Variants in STAB2 observed in about 807,000 individuals in gnomAD.
STAB2 encodes stabilin-2.
Under a neutral mutation model 338.1 loss-of-function variants are expected in STAB2, and 288 were observed. That is an observed-to-expected ratio of 0.85 (90% confidence interval 0.77 to 0.94). The LOEUF is 0.94. Among genes scored for constraint, STAB2 ranks in the 40% least tolerant of loss-of-function variants. STAB2 has a pLI of 0.00. For missense variants in STAB2, 3,141 were observed against 3,210.1 expected, an observed-to-expected ratio of 0.98 and a Z score of 0.52; for synonymous variants, 1,202 against 1,193.3, an observed-to-expected ratio of 1.01 and a Z score of -0.15.
chr12:103,604,778 T>C (rs148286484), intron 3 of STAB2, among the ~76,000 whole-genome samples: 297 of 151,830 alleles, frequency 2.0e-3, no homozygotes, highest in Non-Finnish European at 3.6e-3. Flanking sequence ...AGTTCATCCA[T>C]TTCATTCACC....
chr12:103,766,456 C>A lies in STAB2; in HGVS notation c.*120C>A. 8.6e-7 allele frequency: 1 copy of A among 1,161,816 alleles called. No homozygotes were observed. The highest frequency in any genetic ancestry group is 1.2e-6 in the Non-Finnish European group (1 of 825,550). 72.0% of individuals were successfully genotyped at this position (1,161,816 alleles called of 1,614,324 possible). A position where few individuals can be genotyped will look rare whatever the true frequency, so the allele number is the denominator to read the frequency against. On this transcript the variant is annotated 3_prime_UTR_variant, in exon 69 of 69. Transcript: ENST00000388887. ...CTTTAAGCACTCAGAAGCCATACCT[C>A]ATCTCTCTGGCTGATCTGGGGGTTG...
At chr12:103,603,988 T>C (rs1460142918) in intron 3 of STAB2, among the ~76,000 whole-genome samples, 3 of 152,152 alleles carry the variant, frequency 2.0e-5, no homozygotes, top group African/African-American at 7.2e-5. Context: ...CTTCTAACAG[T>C]TTTTTGAAAT....
chr12:103,598,739 T>C (rs1035722526), intron 3 of STAB2, among the ~76,000 whole-genome samples: 30 of 152,180 alleles, frequency 2.0e-4, no homozygotes, highest in African/African-American at 6.3e-4. Context: ...TACCCCCACA[T>C]TCCTGCTACC....
At position 103,735,580 on chromosome 12, in the gene STAB2, C is replaced by A; in HGVS notation, c.5550C>A (p.Ile1850=). ...TGAAATGTGGAGCTGGCAGGGACATCGTGAGTATCATCATGAAGGGTGGGC... is the reference window on the plus strand; with the variant it reads ...TGAAATGTGGAGCTGGCAGGGACATAGTGAGTATCATCATGAAGGGTGGGC... ...LSVKCGAGRD[I]GDLFLNGQTC... The change falls in exon 52 of 69, where the codon ATC becomes ATA. Residue 1850 remains isoleucine, a splice_region_variant and synonymous_variant. Coordinates refer to ENST00000388887, the MANE Select transcript of STAB2 (RefSeq NM_017564.10). The A allele has an allele frequency of 2.4e-6, 2 of 820,478 alleles. No individual in the cohort carries two copies. Among genetic ancestry groups the A allele is most frequent in the African/African-American group, 1.8e-5 (1 of 55,204 alleles). 50.8% of individuals were successfully genotyped at this position (820,478 alleles called of 1,614,324 possible).
intron 15 of STAB2, among the ~76,000 whole-genome samples, chr12:103,656,191 G>C (rs181965005): frequency 7.2e-5 from 11 of 152,296 alleles, no homozygotes; most frequent in Middle Eastern, 3.4e-3. Context: ...ACTTGAAGAG[G>C]ACAGCCTATT....
chr12:103,615,830 A>G (rs1395258008), intron 3 of STAB2, among the ~76,000 whole-genome samples: 2 of 152,216 alleles, frequency 1.3e-5, no homozygotes, highest in African/African-American at 2.4e-5. Context: ...TTATAAAGCC[A>G]TCAGATCTCG....
At chr12:103,641,633 C>A (rs1400852806) in intron 9 of STAB2, among the ~76,000 whole-genome samples, 1 of 152,114 alleles carries the variant, frequency 6.6e-6, no homozygotes, top group African/African-American at 2.4e-5. Flanking sequence ...CATGTTTTAC[C>A]ACCCTCTGAG....
intron 3 of STAB2, among the ~76,000 whole-genome samples, chr12:103,604,670 C>G (rs959916250): frequency 6.6e-6 from 1 of 151,860 alleles, no homozygotes; most frequent in Admixed American, 6.6e-5. Context: ...CATTTATTAT[C>G]CCTTTAATGT....
intron 9 of STAB2, among the ~76,000 whole-genome samples, chr12:103,643,514 C>G (rs1363711878): frequency 6.6e-6 from 1 of 152,102 alleles, no homozygotes; most frequent in African/African-American, 2.4e-5. Context: ...CCAGTGCTCT[C>G]TGATGCCCCT....
Position 103,641,018 on chromosome 12 carries a change from G to A in STAB2, c.1040+762G>A, listed in dbSNP as rs138569685. On this transcript the variant is annotated intron_variant, in intron 9 of 68. Transcript: ENST00000388887. Reference sequence around the variant, plus strand: ...AAGCTAGAACCCAAGTCTTTGACTCGCAGACTGAGGTTTCTATCTCTGTTC... The same window carrying A: ...AAGCTAGAACCCAAGTCTTTGACTCACAGACTGAGGTTTCTATCTCTGTTC... Among the ~76,000 whole-genome samples the A allele has an allele frequency of 4.8e-3, 728 of 152,300 alleles. 9 individuals carry two copies. Among genetic ancestry groups the A allele is most frequent in the African/African-American group, 0.016 (670 of 41,556 alleles).
chr12:103,587,335 C>G lies in STAB2; in HGVS notation c.-142C>G. On this transcript the variant is annotated 5_prime_UTR_variant, in exon 1 of 69. Transcript: ENST00000388887. ...GGCAGGTCTCACCTATCTCCTGGTT[C>G]GATCTAGGAAAAAGGAAAGGAAGGG... 1.4e-6 allele frequency: 1 copy of G among 714,774 alleles called. No homozygotes were observed. The highest frequency in any genetic ancestry group is 2.7e-5 in the East Asian group (1 of 36,688). The allele number at this position is 714,774 out of a possible 1,614,324, so 44.3% of individuals were successfully genotyped here. A position where few individuals can be genotyped will look rare whatever the true frequency, so the allele number is the denominator to read the frequency against.
intron 37 of STAB2, among the ~76,000 whole-genome samples, chr12:103,706,430 C>G (rs573465050): frequency 6.6e-6 from 1 of 152,184 alleles, no homozygotes; most frequent in Non-Finnish European, 1.5e-5. Context: ...TGAAGGGGCC[C>G]AGATCTGGGT....
At chr12:103,653,340 G>T (rs1266043026) in intron 12 of STAB2, among the ~76,000 whole-genome samples, 1 of 152,156 alleles carries the variant, frequency 6.6e-6, no homozygotes, top group Non-Finnish European at 1.5e-5. Flanking sequence ...AGCAAAGTAT[G>T]GGGATAAATC....
At chr12:103,619,750 C>G (rs1190478161) in intron 3 of STAB2, among the ~76,000 whole-genome samples, 1 of 144,800 alleles carries the variant, frequency 6.9e-6, no homozygotes, top group Non-Finnish European at 1.5e-5. Context: ...ATCAGCAACG[C>G]CCCCCGCCCC....
chr12:103,654,857 A>G, intron 13 of STAB2, 159 bp downstream of exon 13: 1 of 907,844 alleles, frequency 1.1e-6, no homozygotes, highest in South Asian at 2.3e-5. Context: ...TCCAATAGAA[A>G]CCTGGGAATC....
At chr12:103,660,475 T>TAA in intron 16 of STAB2, 91 bp downstream of exon 16, 1 of 1,483,230 alleles carries the variant, frequency 6.7e-7, no homozygotes, top group Non-Finnish European at 9.4e-7. Flanking sequence ...CTAGAAAATG[T>TAA]CCTTTATCTG....
intron 2 of STAB2, 68 bp from the exon 3 acceptor site, chr12:103,594,327 C>A (rs2138538461): frequency 8.4e-7 from 1 of 1,187,576 alleles, no homozygotes; most frequent in South Asian, 1.3e-5. Flanking sequence ...AAAGCTAAGG[C>A]AATTCTACCA....
intron 5 of STAB2, among the ~76,000 whole-genome samples, chr12:103,627,743 G>A (rs894180692): frequency 2.0e-5 from 3 of 152,200 alleles, no homozygotes; most frequent in African/African-American, 7.2e-5. Context: ...CAGCCAGGAG[G>A]GCAATCTTAG....
In STAB2 at chr12:103,742,444, G is replaced by C. The variant is rs1391137914; in HGVS notation, c.5921G>C (p.Gly1974Ala). The C allele has an allele frequency of 6.2e-7, 1 of 1,614,148 alleles. No homozygotes were observed. Among genetic ancestry groups the C allele is most frequent in the Non-Finnish European group, 8.5e-7 (1 of 1,180,030 alleles). ...CCAGATGCCCCGTGTAATAACCGGG[G>C]TGTCTGCCTTGATCAGTACTCGGCC... ...GGPDAPCNNR[G>A]VCLDQYSATG... is the part of the protein sequence containing the mutation. Residue 1974 changes from glycine to alanine, a missense_variant, in exon 56 of 69, where the codon GGT becomes GCT. Coordinates refer to ENST00000388887, the MANE Select transcript of STAB2 (RefSeq NM_017564.10).
Sources: allele counts gnomAD v4.1 joint callset (sites outside exome capture counted in the v4.1 genomes callset), GRCh38; gene constraint gnomAD v4.1.1; transcripts MANE v1.5; gene names NCBI Gene and HGNC (gene_info 2026-07-23, HGNC 2026-07-21).